Variants in PARVB observed in about 807,000 individuals in gnomAD.
The protein encoded by PARVB is parvin beta, also known as beta-parvin.
Under a neutral mutation model 47.0 loss-of-function variants are expected in PARVB, and 46 were observed. The observed-to-expected ratio is 0.98, with a 90% CI of 0.77 to 1.25. PARVB has a LOEUF of 1.25. PARVB is among the 50% of genes most tolerant of loss of function. The pLI, the probability that PARVB is intolerant of heterozygous loss-of-function variation, is 0.00. For missense variants in PARVB, 473 were observed against 471.6 expected (o/e 1.00, Z -0.03); for synonymous variants, 196 against 196.3 (o/e 1.00, Z 0.01).
At chr22:44,129,414 C>T (rs535127945) in intron 4 of PARVB, among the ~76,000 whole-genome samples, 11 of 152,258 alleles carry the variant, frequency 7.2e-5, no homozygotes, top group African/African-American at 2.4e-4. Context: ...GCTCCTCTGC[C>T]GACTCCTCTT....
At position 44,122,590 on chromosome 22, in the gene PARVB, G is replaced by C. The variant is rs867758378; in HGVS notation, c.376+3450G>C. 1.3e-3 allele frequency among the ~76,000 whole-genome samples: 190 copies of C among 142,964 alleles called. 4 individuals are homozygous for C. The highest frequency in any genetic ancestry group is 4.2e-3 in the African/African-American group (158 of 37,752). 93.8% of individuals were successfully genotyped at this position (142,964 alleles called of 152,430 possible). A position where few individuals can be genotyped will look rare whatever the true frequency, so the allele number is the denominator to read the frequency against. On this transcript the variant is annotated intron_variant, in intron 4 of 12. Coordinates refer to ENST00000338758, the MANE Select transcript of PARVB (RefSeq NM_013327.5). ...AGAGAGAGAGAGAGAGAGAGAGAGA[G>C]AGAGAGAGAGAGAGAGAGAGGTCTC...
chr22:44,076,533 A>G (rs1234438554), intron 1 of PARVB, among the ~76,000 whole-genome samples: 2 of 152,212 alleles, frequency 1.3e-5, no homozygotes, highest in South Asian at 2.1e-4. Flanking sequence ...GTTTTTCCAC[A>G]AATACACAGT....
chr22:44,131,841 C>T (rs2053331955), intron 5 of PARVB, among the ~76,000 whole-genome samples: 1 of 152,134 alleles, frequency 6.6e-6, no homozygotes, highest in Admixed American at 6.5e-5. Flanking sequence ...CCTGGTCAGG[C>T]CACAATTCTC....
chr22:44,086,257 C>T (rs1431625989), intron 1 of PARVB, among the ~76,000 whole-genome samples: 2 of 152,260 alleles, frequency 1.3e-5, no homozygotes, highest in African/African-American at 4.8e-5. Flanking sequence ...CAAACTACAT[C>T]TGCCACTTGA....
At chr22:44,072,053 G>A (rs541817651) in intron 1 of PARVB, among the ~76,000 whole-genome samples, 13 of 152,326 alleles carry the variant, frequency 8.5e-5, no homozygotes, top group African/African-American at 2.2e-4. Flanking sequence ...TTTCTCAAGC[G>A]TCTGTGACTG....
At chr22:44,118,610 C>T (rs1444560665) in intron 3 of PARVB, among the ~76,000 whole-genome samples, 1 of 152,202 alleles carries the variant, frequency 6.6e-6, no homozygotes, top group Non-Finnish European at 1.5e-5. Flanking sequence ...ATTACCAATG[C>T]TTAATCATTT....
chr22:44,077,075 T>C (rs991887802), intron 1 of PARVB, among the ~76,000 whole-genome samples: 6 of 152,188 alleles, frequency 3.9e-5, no homozygotes, highest in Non-Finnish European at 7.3e-5. Flanking sequence ...TGGGGCAGCA[T>C]GGGGTGTGCT....
At position 44,104,036 on chromosome 22, in the gene PARVB, C is replaced by G. The variant is rs1207685808; in HGVS notation, c.273+3913C>G. 4 of 152,256 alleles carry G rather than the reference C, an allele frequency of 2.6e-5. 1 individual carries two copies. The highest frequency in any genetic ancestry group is 4.1e-4 in the South Asian group (2 of 4,834). The allele number at this position is 152,256 out of a possible 1,614,324, so 9.4% of individuals were successfully genotyped here. On this transcript the variant is annotated intron_variant, in intron 3 of 12. Transcript: ENST00000338758. ...TACAGTAGCCACAAGCAACTAACAC[C>G]ATCCTGTTCTCCAGGCTGCTGCCTC... is the stretch of plus-strand genomic sequence containing the variant.
intron 2 of PARVB, among the ~76,000 whole-genome samples, chr22:44,002,674 C>T (rs1303258989): frequency 6.6e-6 from 1 of 152,176 alleles, no homozygotes; most frequent in Non-Finnish European, 1.5e-5. Flanking sequence ...GCATTAAATT[C>T]TGCATTAAAC....
chr22:44,023,827 G>A (rs562007779), upstream of PARVB, among the ~76,000 whole-genome samples: 1 of 152,320 alleles, frequency 6.6e-6, no homozygotes, highest in East Asian at 1.9e-4. Flanking sequence ...TCAGGCCAAT[G>A]ACCTGTGCCC....
At chr22:44,104,875 C>T (rs1479411369) in intron 3 of PARVB, 2 of 152,242 alleles carry the variant, frequency 1.3e-5, no homozygotes, top group Non-Finnish European at 2.9e-5. Context: ...TGGTCATTTG[C>T]TAGAGGGACT....
intron 6 of PARVB, among the ~76,000 whole-genome samples, chr22:44,135,658 TA>T (rs1264007938): frequency 6.6e-6 from 1 of 152,206 alleles, no homozygotes; most frequent in Non-Finnish European, 1.5e-5. Context: ...CCAGGTGGCT[TA>T]AAACAGCAGA....
intron 1 of PARVB, among the ~76,000 whole-genome samples, chr22:44,025,209 A>T (rs185767173): frequency 2.0e-5 from 3 of 152,056 alleles, no homozygotes; most frequent in South Asian, 2.1e-4. Flanking sequence ...GGAAAGGCAG[A>T]TGGAGAAAGG....
chr22:44,161,365 G>A (rs1472111089), intron 11 of PARVB, among the ~76,000 whole-genome samples: 3 of 150,444 alleles, frequency 2.0e-5, no homozygotes, highest in Non-Finnish European at 4.4e-5. Flanking sequence ...CCAGGCTGGA[G>A]TGCAGTGGCA....
At chr22:44,087,444 G>T (rs117319314) in intron 1 of PARVB, among the ~76,000 whole-genome samples, 1,775 of 152,352 alleles carry the variant, frequency 0.012, 15 homozygotes, top group Non-Finnish European at 0.018. Context: ...AGCCCCCAGT[G>T]AGGCTCTTGG....
intron 1 of PARVB, among the ~76,000 whole-genome samples, chr22:44,083,881 TC>T (rs1225545568): frequency 6.6e-6 from 1 of 152,166 alleles, no homozygotes; most frequent in Non-Finnish European, 1.5e-5. Context: ...GACAGGACTC[TC>T]TTGGTTTGCA....
intron 4 of PARVB, among the ~76,000 whole-genome samples, chr22:44,123,364 T>C (rs894687476): frequency 1.3e-5 from 2 of 151,878 alleles, no homozygotes; most frequent in African/African-American, 4.8e-5. Context: ...GCCTTTGAGG[T>C]ACATAATTTT....
chr22:44,161,133 G>C (rs1043172686), intron 11 of PARVB, among the ~76,000 whole-genome samples: 6 of 152,060 alleles, frequency 3.9e-5, no homozygotes, highest in African/African-American at 1.2e-4. Context: ...GTGTGTGCAC[G>C]TGTGCATGTG....
At chr22:44,097,264 A>T (rs9626109) in intron 2 of PARVB, among the ~76,000 whole-genome samples, 3,101 of 152,304 alleles carry the variant, frequency 0.02, 121 homozygotes, top group African/African-American at 0.071. Context: ...CTTGGCAGTG[A>T]GGGTTCCTGG....
Sources: allele counts gnomAD v4.1 joint callset (sites outside exome capture counted in the v4.1 genomes callset), GRCh38; gene constraint gnomAD v4.1.1; transcripts MANE v1.5; gene names NCBI Gene and HGNC (gene_info 2026-07-23, HGNC 2026-07-21).